The following ASAP1 variants were observed in gnomAD, a reference collection of about 807,000 sequenced individuals.
The protein encoded by ASAP1 is ArfGAP with SH3 domain, ankyrin repeat and PH domain 1, also known as arf-GAP with SH3 domain, ANK repeat and PH domain-containing protein 1.
In ASAP1, 43 loss-of-function variants were observed where a neutral mutation model predicts 145.2. The observed-to-expected ratio is 0.30, with a 90% CI of 0.23 to 0.38. ASAP1 has a LOEUF of 0.38. Ranked by LOEUF, ASAP1 falls within the 10% of genes least tolerant of loss-of-function variation. The pLI is 1.00. For missense variants in ASAP1, 1,018 were observed against 1,355.3 expected (o/e 0.75, Z 3.91); for synonymous variants, 546 against 515.5 (o/e 1.06, Z -0.80).
At chr8:130,147,856 G>C (rs2097636031) in intron 13 of ASAP1, among the ~76,000 whole-genome samples, 1 of 152,166 alleles carries the variant, frequency 6.6e-6, no homozygotes, top group African/African-American at 2.4e-5. Flanking sequence ...TAAAACACCA[G>C]ACCTTAATGA....
chr8:130,234,455 G>A (rs1818094127), intron 4 of ASAP1, among the ~76,000 whole-genome samples: 3 of 152,052 alleles, frequency 2.0e-5, no homozygotes, highest in South Asian at 4.1e-4. Context: ...CAGTCTACTG[G>A]AGGAGGCTGC....
intron 2 of ASAP1, among the ~76,000 whole-genome samples, chr8:130,363,303 A>C (rs1347881325): frequency 6.6e-6 from 1 of 152,184 alleles, no homozygotes; most frequent in Non-Finnish European, 1.5e-5. Context: ...AGGTGGGAGG[A>C]CTGCTTGAGC....
chr8:130,245,691 G>C (rs1390413988), intron 3 of ASAP1, among the ~76,000 whole-genome samples: 1 of 152,126 alleles, frequency 6.6e-6, no homozygotes, highest in Non-Finnish European at 1.5e-5. Flanking sequence ...GCCTATGTTA[G>C]GCCCAGAGTA....
chr8:130,242,000 TAAC>T (rs1818555756), intron 3 of ASAP1, among the ~76,000 whole-genome samples: 1 of 152,040 alleles, frequency 6.6e-6, no homozygotes, highest in South Asian at 2.1e-4. Flanking sequence ...AAATAGTACA[TAAC>T]AATAAAATAT....
intron 4 of ASAP1, among the ~76,000 whole-genome samples, chr8:130,229,396 C>A (rs1465742021): frequency 6.6e-6 from 1 of 152,118 alleles, no homozygotes; most frequent in Non-Finnish European, 1.5e-5. Context: ...AAAATACAAT[C>A]CTACTTTGAT....
chr8:130,118,720 G>GAA, intron 18 of ASAP1, 45 bp from the exon 19 acceptor site: 1 of 1,307,536 alleles, frequency 7.6e-7, no homozygotes, highest in Non-Finnish European at 1.0e-6. Context: ...CAAGTGCTAG[G>GAA]AAAGGTTTAC....
intron 5 of ASAP1, among the ~76,000 whole-genome samples, chr8:130,191,168 AGAG>A: frequency 6.6e-6 from 1 of 152,232 alleles, no homozygotes; most frequent in East Asian, 1.9e-4. Context: ...ACCCAGCTGC[AGAG>A]AAGAATGGCA....
At chr8:130,070,212 A>AT (rs1431814777) in intron 27 of ASAP1, among the ~76,000 whole-genome samples, 3 of 151,892 alleles carry the variant, frequency 2.0e-5, no homozygotes, top group African/African-American at 7.2e-5. Flanking sequence ...AATTTTTTCT[A>AT]TTTTTTAGTA....
At chr8:130,175,553 GGA>G (rs1209172714) in intron 9 of ASAP1, among the ~76,000 whole-genome samples, 1 of 151,892 alleles carries the variant, frequency 6.6e-6, no homozygotes, top group East Asian at 1.9e-4. Flanking sequence ...TATATATTCT[GGA>G]TATCAGACTC....
At chr8:130,121,452 G>T (rs2097565705) in intron 18 of ASAP1, among the ~76,000 whole-genome samples, 1 of 152,082 alleles carries the variant, frequency 6.6e-6, no homozygotes, top group African/African-American at 2.4e-5. Flanking sequence ...TCCTCTGGGG[G>T]CAAAGTCACC....
chr8:130,246,098 AG>A (rs1254402385), intron 3 of ASAP1, among the ~76,000 whole-genome samples: 2 of 152,106 alleles, frequency 1.3e-5, no homozygotes, highest in African/African-American at 2.4e-5. Context: ...CGAGTTGTAA[AG>A]GAAGTCTTAC....
At chr8:130,265,572 T>TA (rs1565151907) in intron 3 of ASAP1, among the ~76,000 whole-genome samples, 19 of 142,602 alleles carry the variant, frequency 1.3e-4, no homozygotes, top group African/African-American at 3.9e-4. Flanking sequence ...AACCCTGTCT[T>TA]TAAAAAAAAA....
chr8:130,396,683 T>G (rs1206676974), intron 2 of ASAP1, among the ~76,000 whole-genome samples: 1 of 152,210 alleles, frequency 6.6e-6, no homozygotes, highest in African/African-American at 2.4e-5. Context: ...AGGGACACGT[T>G]TCCCGTCCAT....
At chr8:130,072,824 T>TGTGTGTGTGTGC in intron 27 of ASAP1, among the ~76,000 whole-genome samples, 13 of 32,314 alleles carry the variant, frequency 4.0e-4, no homozygotes, top group African/African-American at 1.5e-3. Context: ...TGTGTGTGTG[T>TGTGTGTGTGTGC]GCGCGCGGGG....
At chr8:130,336,916 AAAG>A (rs558315849) in intron 3 of ASAP1, among the ~76,000 whole-genome samples, 139 of 152,334 alleles carry the variant, frequency 9.1e-4, no homozygotes, top group Non-Finnish European at 1.5e-3. Flanking sequence ...TAAATTTATG[AAAG>A]AATAAGAGAG....
rs761256524 is a variant in ASAP1, at chr8:130,071,238, CTTAGA to C, written c.2701+5105_2701+5109del. On this transcript the variant is annotated intron_variant, in intron 27 of 29. Coordinates refer to ENST00000518721, the MANE Select transcript of ASAP1 (RefSeq NM_018482.4). ...TCCATCCTCCCATCCTTCCACAGAGCTTAGATTATAGGTATGAGCCACTGCGCCCA... is the reference window on the plus strand; with the variant it reads ...TCCATCCTCCCATCCTTCCACAGAGCTTATAGGTATGAGCCACTGCGCCCA... Among the ~76,000 whole-genome samples, 4 of 152,254 alleles carry C rather than the reference CTTAGA, an allele frequency of 2.6e-5. No individual in the cohort carries two copies. In the South Asian group the frequency reaches 8.3e-4, roughly 32 times the overall value.
chr8:130,357,880 T>TA, intron 3 of ASAP1, 137 bp downstream of exon 3: 1 of 1,234,478 alleles, frequency 8.1e-7, no homozygotes, highest in Non-Finnish European at 1.1e-6. Context: ...CGAAGTCCCT[T>TA]ATTCACCCGG....
At chr8:130,307,891 A>G (rs148550441) in intron 3 of ASAP1, among the ~76,000 whole-genome samples, 14 of 152,350 alleles carry the variant, frequency 9.2e-5, no homozygotes, top group Non-Finnish European at 2.1e-4. Context: ...CCTAATATAT[A>G]AAATGGATTT....
chr8:130,393,483 C>T (rs1313589127), intron 2 of ASAP1, among the ~76,000 whole-genome samples: 1 of 152,202 alleles, frequency 6.6e-6, no homozygotes, highest in Admixed American at 6.5e-5. Flanking sequence ...AGGCCAAGCA[C>T]AGTGGCTCAT....
Sources: gnomAD v4.1 joint callset for allele counts (sites outside exome capture counted in the v4.1 genomes callset) on GRCh38, gnomAD v4.1.1 for gene constraint, MANE v1.5 for transcripts, NCBI Gene and HGNC (gene_info 2026-07-23, HGNC 2026-07-21) for gene names.